The following JPH1 variants were observed in gnomAD, a reference collection of about 807,000 sequenced individuals.
JPH1 encodes junctophilin 1, also known as junctophilin-1.
Under a neutral mutation model 53.6 loss-of-function variants are expected in JPH1, and 12 were observed. The ratio of observed to expected loss-of-function variants is 0.22; its 90% CI spans 0.14 to 0.36. The LOEUF (loss-of-function observed/expected upper bound fraction) is 0.36. Ranked by LOEUF, JPH1 falls within the 10% of genes least tolerant of loss-of-function variation. JPH1 has a pLI of 1.00. For synonymous variants in JPH1, 375 were observed against 363.8 expected (o/e 1.03, Z -0.35); for missense variants, 808 against 905.5 (o/e 0.89, Z 1.38).
At chr8:74,262,969 T>C (rs985220899) in intron 2 of JPH1, among the ~76,000 whole-genome samples, 10 of 152,258 alleles carry the variant, frequency 6.6e-5, no homozygotes, top group African/African-American at 2.4e-4. Context: ...GAGGTTTTCT[T>C]TTCTTTAATA....
At chr8:74,252,362 AACT>A (rs1361498976) in intron 3 of JPH1, among the ~76,000 whole-genome samples, 1 of 152,192 alleles carries the variant, frequency 6.6e-6, no homozygotes, top group Non-Finnish European at 1.5e-5. Context: ...CAGCAAAAGA[AACT>A]ACCATCAGAG....
chr8:74,260,760 C>A (rs539171644), intron 2 of JPH1, among the ~76,000 whole-genome samples: 23 of 152,212 alleles, frequency 1.5e-4, no homozygotes, highest in African/African-American at 5.5e-4. Context: ...TGGTAGGAGG[C>A]CCCCTTTTCA....
chr8:74,241,217 C>G (rs1202239425), intron 4 of JPH1, among the ~76,000 whole-genome samples: 1 of 152,118 alleles, frequency 6.6e-6, no homozygotes. Flanking sequence ...AAGCTTCAAA[C>G]AGCAACCAGG....
chr8:74,242,648 C>T (rs1563391458), intron 4 of JPH1, among the ~76,000 whole-genome samples: 1 of 152,344 alleles, frequency 6.6e-6, no homozygotes, highest in African/African-American at 2.4e-5. Context: ...CGGCAGCGTT[C>T]TGTTACTATT....
At chr8:74,314,681 C>T (rs1297203632) in intron 2 of JPH1, among the ~76,000 whole-genome samples, 180 bp downstream of exon 2, 1 of 152,206 alleles carries the variant, frequency 6.6e-6, no homozygotes, top group Non-Finnish European at 1.5e-5. Flanking sequence ...TGGGAAGTTT[C>T]AGAACAGTGC....
intron 2 of JPH1, among the ~76,000 whole-genome samples, chr8:74,260,627 G>A (rs1586742104): frequency 6.6e-6 from 1 of 152,158 alleles, no homozygotes; most frequent in Admixed American, 6.5e-5. Flanking sequence ...GTTGGGAAAA[G>A]GCATGGGCTT....
chr8:74,283,108 G>A (rs894666727), intron 2 of JPH1, among the ~76,000 whole-genome samples: 3 of 152,122 alleles, frequency 2.0e-5, no homozygotes, highest in Non-Finnish European at 4.4e-5. Flanking sequence ...CGAGTAAAAC[G>A]TGTATGTAGA....
intron 3 of JPH1, among the ~76,000 whole-genome samples, chr8:74,257,758 T>C (rs1482782678): frequency 6.6e-6 from 1 of 152,076 alleles, no homozygotes; most frequent in East Asian, 1.9e-4. Flanking sequence ...TAAAAAATGA[T>C]TTAAATCTCA....
At chr8:74,278,525 T>G (rs2131416129) in intron 2 of JPH1, among the ~76,000 whole-genome samples, 1 of 152,302 alleles carries the variant, frequency 6.6e-6, no homozygotes, top group East Asian at 1.9e-4. Context: ...GGAGGAATGC[T>G]GCCACCAGAA....
chr8:74,290,804 C>T (rs1807302666), intron 2 of JPH1, among the ~76,000 whole-genome samples: 1 of 152,118 alleles, frequency 6.6e-6, no homozygotes, highest in South Asian at 2.1e-4. Context: ...TGGAACAGAA[C>T]AGAGCCCTCA....
chr8:74,238,118 A>G (rs1807052777), intron 4 of JPH1, among the ~76,000 whole-genome samples: 1 of 152,226 alleles, frequency 6.6e-6, no homozygotes, highest in African/African-American at 2.4e-5. Flanking sequence ...TACTGTTAAA[A>G]TAATGTCTAA....
Position 74,247,427 on chromosome 8 carries a change from C to T in JPH1, c.1259-2252G>A, listed in dbSNP as rs1321356029. On this transcript the variant is annotated intron_variant, in intron 3 of 5. Coordinates refer to ENST00000342232, the MANE Select transcript of JPH1 (RefSeq NM_020647.4). ...TAATTTAAGCCACTTAATGCTGAAA[C>T]AATTACATAAAATACAAAGTGCTTT... 3.9e-5 allele frequency among the ~76,000 whole-genome samples: 6 copies of T among 152,090 alleles called. 1 individual carries two copies. Among genetic ancestry groups the T allele is most frequent in the Admixed American group, 2.0e-4 (3 of 15,268 alleles).
At chr8:74,272,869 G>A (rs1411776865) in intron 2 of JPH1, among the ~76,000 whole-genome samples, 2 of 152,126 alleles carry the variant, frequency 1.3e-5, no homozygotes, top group Non-Finnish European at 2.9e-5. Flanking sequence ...CTCCCAAAGT[G>A]CTGGGATTAC....
At chr8:74,270,688 C>G (rs1806672751) in intron 2 of JPH1, among the ~76,000 whole-genome samples, 1 of 152,144 alleles carries the variant, frequency 6.6e-6, no homozygotes, top group Admixed American at 6.5e-5. Flanking sequence ...CAACTAAGTA[C>G]AAGAATCATG....
chr8:74,243,474 A>C (rs1307971516), intron 4 of JPH1, among the ~76,000 whole-genome samples: 1 of 152,248 alleles, frequency 6.6e-6, no homozygotes, highest in East Asian at 1.9e-4. Flanking sequence ...ACACACAAGA[A>C]ATTTTAAGCA....
chr8:74,285,720 T>C (rs1807145556), intron 2 of JPH1, among the ~76,000 whole-genome samples: 3 of 152,264 alleles, frequency 2.0e-5, no homozygotes, highest in Admixed American at 6.5e-5. Flanking sequence ...ATCTGCATTA[T>C]ATGCAACATG....
intron 2 of JPH1, among the ~76,000 whole-genome samples, chr8:74,299,400 T>C (rs1391537675): frequency 3.3e-5 from 5 of 152,024 alleles, no homozygotes; most frequent in Non-Finnish European, 5.9e-5. Context: ...CTAAATGGAG[T>C]TGTATACAGA....
chr8:74,318,167 C>G (rs958882671), intron 1 of JPH1, among the ~76,000 whole-genome samples: 9 of 152,156 alleles, frequency 5.9e-5, no homozygotes, highest in African/African-American at 2.2e-4. Flanking sequence ...CCCTGCTGCT[C>G]AAATAAAGTT....
chr8:74,258,088 C>G (rs897485767), intron 3 of JPH1, among the ~76,000 whole-genome samples: 1 of 152,102 alleles, frequency 6.6e-6, no homozygotes, highest in African/African-American at 2.4e-5. Flanking sequence ...CGTTAGGACT[C>G]AGTGATACCC....
Sources: gnomAD v4.1 joint callset for allele counts (sites outside exome capture counted in the v4.1 genomes callset) on GRCh38, gnomAD v4.1.1 for gene constraint, MANE v1.5 for transcripts, NCBI Gene and HGNC (gene_info 2026-07-23, HGNC 2026-07-21) for gene names.